The following TNXB variants were observed in gnomAD, a reference collection of about 807,000 sequenced individuals.
The protein encoded by TNXB is tenascin XB, also known as tenascin-X.
In TNXB, 183 loss-of-function variants were observed where a neutral mutation model predicts 340.5. That is an observed-to-expected ratio of 0.54 (90% CI 0.48 to 0.61). The LOEUF is 0.61. TNXB is among the 20% of genes least tolerant of loss of function. The pLI is 0.00. For synonymous variants in TNXB, 2,121 were observed against 2,314.5 expected (o/e 0.92, Z 2.40); for missense variants, 4,613 against 5,446.4 (o/e 0.85, Z 4.82).
chr6:32,087,436 T>G lies in TNXB; in HGVS notation c.2780-1318A>C, dbSNP rs1465408177. The G allele has an allele frequency of 2.1e-6, 1 of 479,888 alleles. No homozygotes were observed. Among genetic ancestry groups the G allele is most frequent in the Non-Finnish European group, 4.1e-6 (1 of 241,570 alleles). 29.7% of individuals were successfully genotyped at this position (479,888 alleles called of 1,614,324 possible). On this transcript the variant is annotated intron_variant, in intron 6 of 43. Transcript: ENST00000644971. This position sits in a 1 kb window ranked among gnomAD's most constrained non-coding sequence, Gnocchi z 9.0. ...AGGCCGCCAGCGCAGCACCACGCGC[T>G]CGAACTGGCCGCGGAGCCCGTCGAG...
intron 21 of TNXB, among the ~76,000 whole-genome samples, chr6:32,059,863 G>C (rs1422577471): frequency 6.6e-6 from 1 of 151,986 alleles, no homozygotes; most frequent in Non-Finnish European, 1.5e-5. Flanking sequence ...CAGCAGGGCT[G>C]ATTCTTCCCC....
At position 32,058,444 on chromosome 6, in the gene TNXB, TTGCTGGTGC is replaced by T; in HGVS notation, c.7493-63_7493-55del. The T allele has an allele frequency of 7.1e-7, 1 of 1,409,944 alleles. No homozygotes were observed. Among genetic ancestry groups the T allele is most frequent in the Non-Finnish European group, 9.5e-7 (1 of 1,049,044 alleles). The allele number at this position is 1,409,944 out of a possible 1,614,324, so 87.3% of individuals were successfully genotyped here. A position where few individuals can be genotyped will look rare whatever the true frequency, so the allele number is the denominator to read the frequency against. ...TTTAAGGGTTTAAGGGCAACTTGCTTTGCTGGTGCTGTCAACAGAGGTCATACATCAAAT... is the reference window on the plus strand; with the variant it reads ...TTTAAGGGTTTAAGGGCAACTTGCTTTGTCAACAGAGGTCATACATCAAAT... On this transcript the variant is annotated intron_variant, in intron 21 of 43. Transcript: ENST00000644971. This position sits in a 1 kb window ranked among gnomAD's most constrained non-coding sequence, Gnocchi z 5.1.
chr6:32,066,318 C>G (rs1778334696), intron 18 of TNXB, among the ~76,000 whole-genome samples: 1 of 152,058 alleles, frequency 6.6e-6, no homozygotes, highest in Non-Finnish European at 1.5e-5. Context: ...GGCTTGAGCC[C>G]AGGAGTCTGG....
Position 32,068,865 on chromosome 6 carries a change from A to C in TNXB, c.5859T>G (p.Ser1953Arg). The change falls in exon 16 of 44, where the codon AGT becomes AGG. Residue 1953 changes from serine (S) to arginine (R), a missense_variant. Ser to Arg is a moderately radical substitution (Grantham distance 110). This residue lies in a region of TNXB where 4,327 missense variants were observed against 4,859.4 expected (regional missense o/e 0.89). Transcript: ENST00000644971. The surrounding 1 kb of genome is among the most constrained non-coding windows in gnomAD (Gnocchi z 5.3). The part of the protein sequence containing the change: ...HRYLVTLYGF[S>R]DGKHVGPVHV... ...GGACAGGACCTACATGCTTCCCATC[A>C]CTGAAACCATACAGGGTCACCAGGT... 1 of 1,612,002 alleles carries C rather than the reference A, an allele frequency of 6.2e-7. No homozygotes were observed. Among genetic ancestry groups the C allele is most frequent in the Non-Finnish European group, 8.5e-7 (1 of 1,179,118 alleles).
Position 32,062,377 on chromosome 6 carries a change from A to G in TNXB, c.6948T>C (p.Pro2316=). 1 of 1,613,354 alleles carries G rather than the reference A, an allele frequency of 6.2e-7. No individual in the cohort carries two copies. The highest frequency in any genetic ancestry group is 8.5e-7 in the Non-Finnish European group (1 of 1,179,880). The change falls in exon 20 of 44, where the codon CCT becomes CCC. Residue 2316 remains proline (P), a synonymous_variant. Coordinates refer to ENST00000644971, the MANE Select transcript of TNXB (RefSeq NM_001365276.2). This position sits in a 1 kb window ranked among gnomAD's most constrained non-coding sequence, Gnocchi z 4.3. ...LEELTVTDAT[P]DSLSLSWTVP... ...CCGTCCAGGACAGGCTGAGGGAGTCAGGGGTCGCATCTGTCACGGTCAGCT... is the reference window on the plus strand; with the variant it reads ...CCGTCCAGGACAGGCTGAGGGAGTCGGGGGTCGCATCTGTCACGGTCAGCT...
chr6:32,071,889 G>T, intron 13 of TNXB, 101 bp downstream of exon 13: 1 of 1,098,086 alleles, frequency 9.1e-7, no homozygotes, highest in Non-Finnish European at 1.3e-6. Flanking sequence ...CTTTTCAAAT[G>T]AGACAGAGCA....
intron 34 of TNXB, 26 bp downstream of exon 34, chr6:32,043,981 C>G (rs761985795): frequency 1.2e-6 from 2 of 1,605,832 alleles, no homozygotes; most frequent in South Asian, 2.2e-5. Flanking sequence ...AAATGCGAGG[C>G]GATGAGCACA....
rs1410774065 is a variant in TNXB at position 32,079,926 on chromosome 6, C to T, written c.4043-561G>A. 6.6e-6 allele frequency among the ~76,000 whole-genome samples: 1 copy of T among 152,216 alleles called. No homozygotes were observed. Among genetic ancestry groups the T allele is most frequent in the Non-Finnish European group, 1.5e-5 (1 of 68,038 alleles). ...GGCTCTGGAATCACAGCCCTGTGGG[C>T]ACCTACCCGCCCCCTACAGTTAGGT... On this transcript the variant is annotated intron_variant, in intron 10 of 43. Coordinates refer to ENST00000644971, the MANE Select transcript of TNXB (RefSeq NM_001365276.2). The surrounding 1 kb of genome is among the most constrained non-coding windows in gnomAD (Gnocchi z 7.1).
At position 32,046,568 on chromosome 6, in the gene TNXB, G is replaced by A. The variant is rs1340166753; in HGVS notation, c.10325-112C>T. ...AAATGGTCCCTCCAGTGTAGCCCCA[G>A]GGACAGCTCCTTGAGGAGACACACA... is the stretch of plus-strand genomic sequence containing the variant. On this transcript the variant is annotated intron_variant, in intron 30 of 43. Coordinates refer to ENST00000644971, the MANE Select transcript of TNXB (RefSeq NM_001365276.2). The surrounding 1 kb of genome is among the most constrained non-coding windows in gnomAD (Gnocchi z 6.9). 2.1e-6 allele frequency: 2 copies of A among 970,188 alleles called. No homozygotes were observed. The highest frequency in any genetic ancestry group is 2.9e-6 in the Non-Finnish European group (2 of 687,982). The allele number at this position is 970,188 out of a possible 1,614,324, so 60.1% of individuals were successfully genotyped here.
chr6:32,058,364 G>A lies in TNXB; in HGVS notation c.7519C>T (p.Pro2507Ser). 1 of 1,609,296 alleles carries A rather than the reference G, an allele frequency of 6.2e-7. No individual in the cohort carries two copies. Among genetic ancestry groups the A allele is most frequent in the South Asian group, 1.1e-5 (1 of 90,968 alleles). ...TCTGTGCCTGGTTCTGTAGGGCTGG[G>A]GGTCTCGTCCACATCCTCTTGTGGG... ...TAPQEDVDET[P>S]SPTEPGTEAP... Residue 2507 changes from proline to serine, a missense_variant, in exon 22 of 44, where the codon CCC (proline) becomes TCC (serine). Pro to Ser is a moderately conservative substitution (Grantham distance 74). Transcript: ENST00000644971. This position sits in a 1 kb window ranked among gnomAD's most constrained non-coding sequence, Gnocchi z 5.1.
chr6:32,063,973 T>C (rs532651426), intron 19 of TNXB, among the ~76,000 whole-genome samples: 2 of 152,246 alleles, frequency 1.3e-5, no homozygotes, highest in African/African-American at 4.8e-5. Context: ...GGGTATTAAT[T>C]TGGGAGCTTA....
chr6:32,061,687 G>T lies in TNXB; in HGVS notation c.7202C>A (p.Pro2401His). The change falls in exon 21 of 44, where the codon CCC becomes CAC. Residue 2401 changes from proline to histidine, a missense_variant. Pro to His is a moderately conservative substitution (Grantham distance 77). Around this residue, in one of 7 missense-constraint regions of TNXB, gnomAD observed 4,327 missense variants for 4,859.4 expected, o/e 0.89. Transcript: ENST00000644971. The surrounding 1 kb of genome is among the most constrained non-coding windows in gnomAD (Gnocchi z 4.4). ...AEEETPSPTE[P>H]SMEAPEPPEE... is the part of the protein sequence containing the mutation. ...AGGGGGCTCCGGGGCCTCCATGCTG[G>T]GTTCTGTGGGGCTGGGGGTCTCTTC... The T allele has an allele frequency of 6.2e-7, 1 of 1,612,362 alleles. No individual in the cohort carries two copies. The highest frequency in any genetic ancestry group is 8.5e-7 in the Non-Finnish European group (1 of 1,179,480).
chr6:32,070,281 G>C lies in TNXB; in HGVS notation c.5124C>G (p.Phe1708Leu), dbSNP rs763441784. 9.9e-6 allele frequency: 16 copies of C among 1,612,998 alleles called. No individual in the cohort carries two copies. The highest frequency in any genetic ancestry group is 1.4e-5 in the Non-Finnish European group (16 of 1,179,614). Residue 1708 changes from phenylalanine (F) to leucine (L), a missense_variant, in exon 14 of 44, where the codon TTC becomes TTG. This residue lies in a region of TNXB where 4,327 missense variants were observed against 4,859.4 expected (regional missense o/e 0.89). Transcript: ENST00000644971. The surrounding 1 kb of genome is among the most constrained non-coding windows in gnomAD (Gnocchi z 6.0). ...CCACCTGGGGCCCGTCTTTGTCCTT[G>C]AACTGGACCACAAAAGAGTCGAACT... ...EGQFDSFVVQ[F>L]KDKDGPQVVP...
At chr6:32,057,831 C>A (rs1777760887) in intron 22 of TNXB, among the ~76,000 whole-genome samples, 1 of 152,166 alleles carries the variant, frequency 6.6e-6, no homozygotes, top group Non-Finnish European at 1.5e-5. Context: ...CTTAGGCGTC[C>A]CTGTCTGGTC....
In TNXB at chr6:32,056,094, G is replaced by A. The variant is rs759890355; in HGVS notation, c.8224C>T (p.Leu2742=). 3.4e-5 allele frequency: 55 copies of A among 1,612,626 alleles called. No individual in the cohort carries two copies. The highest frequency in any genetic ancestry group is 4.4e-5 in the Non-Finnish European group (52 of 1,179,844). Residue 2742 remains leucine (L), a synonymous_variant, in exon 24 of 44, where the codon CTG becomes TTG. Coordinates refer to ENST00000644971, the MANE Select transcript of TNXB (RefSeq NM_001365276.2). ...EPPEEPLLGE[L]TVTGSSPDSL... ...TCAGGGGAGGATCCTGTCACTGTCA[G>A]CTCCCCCAGGAGCGGCTCCTCAGGG... is the stretch of plus-strand genomic sequence containing the variant.
chr6:32,076,177 G>T (rs1779070319), intron 11 of TNXB, among the ~76,000 whole-genome samples: 1 of 152,182 alleles, frequency 6.6e-6, no homozygotes, highest in Admixed American at 6.5e-5. Context: ...TTCCATGAGG[G>T]AATGAAAATG....
chr6:32,057,768 G>T (rs1327085280), intron 22 of TNXB, among the ~76,000 whole-genome samples: 7 of 152,164 alleles, frequency 4.6e-5, no homozygotes, highest in Non-Finnish European at 1.0e-4. Flanking sequence ...CCAAGCTAAG[G>T]CATGCCTGGC....
chr6:32,068,037 G>A lies in TNXB; in HGVS notation c.6221-53C>T. 1 of 1,580,776 alleles carries A rather than the reference G, an allele frequency of 6.3e-7. No homozygotes were observed. The highest frequency in any genetic ancestry group is 1.2e-5 in the South Asian group (1 of 86,472). ...GGATGTCCTTGGGTACTGGGGAAAAGGAGGGAGAAGCCAAGGCTATGACTG... is the reference window on the plus strand; with the variant it reads ...GGATGTCCTTGGGTACTGGGGAAAAAGAGGGAGAAGCCAAGGCTATGACTG... On this transcript the variant is annotated intron_variant, in intron 17 of 43. Coordinates refer to ENST00000644971, the MANE Select transcript of TNXB (RefSeq NM_001365276.2). The surrounding 1 kb of genome is among the most constrained non-coding windows in gnomAD (Gnocchi z 5.3).
chr6:32,055,656 G>T (rs971444658), intron 24 of TNXB, among the ~76,000 whole-genome samples, 195 bp downstream of exon 24: 2 of 152,218 alleles, frequency 1.3e-5, no homozygotes, highest in African/African-American at 4.8e-5. Flanking sequence ...AGCAGCATCC[G>T]CATCATTTCT....
Sources: allele counts gnomAD v4.1 joint callset (sites outside exome capture counted in the v4.1 genomes callset), GRCh38; gene constraint gnomAD v4.1.1; regional missense constraint gnomAD v4.1.1; non-coding constraint Gnocchi (gnomAD v3.1); transcripts MANE v1.5; gene names NCBI Gene and HGNC (gene_info 2026-07-23, HGNC 2026-07-21).